PAK6: variants seen among roughly 807,000 people sequenced by gnomAD.
The protein encoded by PAK6 is p21 (RAC1) activated kinase 6.
PAK6 carries 33 observed loss-of-function variants against 60.8 expected under a neutral mutation model. The ratio of observed to expected loss-of-function variants is 0.54; its 90% CI spans 0.41 to 0.73. The LOEUF (loss-of-function observed/expected upper bound fraction) is 0.73. Among genes scored for constraint, PAK6 ranks in the 30% least tolerant of loss-of-function variants. The probability of loss-of-function intolerance (pLI) is 0.00; values close to 1 mark genes in which losing one functional copy is unlikely to be tolerated. For synonymous variants in PAK6, 404 were observed against 378.5 expected, an observed-to-expected ratio of 1.07 and a Z score of -0.78; for missense variants, 845 against 904.1, an observed-to-expected ratio of 0.93 and a Z score of 0.84.
At chr15:40,263,775 C>T (rs958575913) in intron 3 of PAK6, 6 of 392,404 alleles carry the variant, frequency 1.5e-5, no homozygotes, top group South Asian at 5.5e-5. Flanking sequence ...CCACCAGGCC[C>T]GGCTAATTTC....
intron 2 of PAK6, among the ~76,000 whole-genome samples, chr15:40,250,201 G>C (rs1286429010): frequency 3.3e-5 from 5 of 152,248 alleles, no homozygotes; most frequent in Non-Finnish European, 7.3e-5. Flanking sequence ...GAATAGAGAA[G>C]GGGGAGAGTC....
intron 2 of PAK6, chr15:40,252,405 C>T: frequency 7.4e-7 from 1 of 1,346,368 alleles, no homozygotes; most frequent in Non-Finnish European, 9.8e-7. Context: ...GGAACTGGGG[C>T]CAAGCAGGTG....
At chr15:40,243,674 A>G (rs565900086) in intron 2 of PAK6, among the ~76,000 whole-genome samples, 2 of 152,364 alleles carry the variant, frequency 1.3e-5, no homozygotes, top group East Asian at 3.9e-4. Flanking sequence ...AGCTCTCAGA[A>G]TGCCCAGGAA....
chr15:40,273,911 T>G (rs1257705073), intron 9 of PAK6: 2 of 668,356 alleles, frequency 3.0e-6, no homozygotes, highest in Non-Finnish European at 5.1e-6. Context: ...TGGCCGGGCC[T>G]CCTATGTATG....
exon 6 of PAK6, chr15:40,272,625 C>T (rs952911548): frequency 1.9e-6 from 3 of 1,610,914 alleles, no homozygotes; most frequent in East Asian, 2.2e-5. Context: ...CCACCGGCAT[C>T]GTCTGCTTGG....
chr15:40,269,107 C>T (rs1180828957), intron 5 of PAK6, among the ~76,000 whole-genome samples: 10 of 152,236 alleles, frequency 6.6e-5, no homozygotes, highest in Admixed American at 6.5e-4. Flanking sequence ...CAACCTCCAC[C>T]TCCTGGGTTC....
rs2039389310 is a variant in PAK6 at position 40,274,291 on chromosome 15, A to G, written c.1878+15A>G. ...ACTCTCACAAGGTCAGTTGGCACAC[A>G]AGGGTGCGACCTCGCAGACCCCATT... On this transcript the variant is annotated intron_variant, in intron 10 of 10. Transcript: ENST00000560346. 2 of 1,588,650 alleles carry G rather than the reference A, an allele frequency of 1.3e-6. No homozygotes were observed. Among genetic ancestry groups the G allele is most frequent in the South Asian group, 1.1e-5 (1 of 87,184 alleles).
At chr15:40,265,119 T>G in intron 4 of PAK6, 130 bp downstream of exon 4, 2 of 836,598 alleles carry the variant, frequency 2.4e-6, no homozygotes, top group Non-Finnish European at 3.7e-6. Context: ...CTGTTTTAAC[T>G]CCCTGCCTGT....
chr15:40,241,197 G>A (rs1239131311), intron 2 of PAK6, among the ~76,000 whole-genome samples: 2 of 152,238 alleles, frequency 1.3e-5, no homozygotes, highest in Non-Finnish European at 1.5e-5. Flanking sequence ...GCTGCAGGGT[G>A]GATGACCTGG....
At chr15:40,248,483 A>C (rs2038559904) in intron 2 of PAK6, among the ~76,000 whole-genome samples, 1 of 151,604 alleles carries the variant, frequency 6.6e-6, no homozygotes, top group South Asian at 2.1e-4. Flanking sequence ...ACGTGCCCCC[A>C]CCTCCCCGGC....
In PAK6 at chr15:40,252,301, G is replaced by A. The variant is rs1053373850; in HGVS notation, c.-117-877G>A. 5 of 1,232,432 alleles carry A rather than the reference G, an allele frequency of 4.1e-6. No individual in the cohort carries two copies. In the African/African-American group the frequency reaches 6.3e-5, roughly 15 times the overall value. The allele number at this position is 1,232,432 out of a possible 1,614,324, so 76.3% of individuals were successfully genotyped here. A position where few individuals can be genotyped will look rare whatever the true frequency, so the allele number is the denominator to read the frequency against. On this transcript the variant is annotated intron_variant, in intron 2 of 10. Coordinates refer to ENST00000560346, the Ensembl canonical transcript of PAK6. ...AGCCGGCGCTCAGCTGATTCTCCAG[G>A]TCGGGTCTCCGCGAGGCGGCCACTG...
In PAK6 at chr15:40,264,323, C is replaced by A. The variant is rs1369137066; in HGVS notation, c.-5-458C>A. 2.9e-5 allele frequency: 11 copies of A among 382,926 alleles called. No individual in the cohort carries two copies. The East Asian group carries it at 6.0e-4, about 21-fold the overall frequency. 23.7% of individuals were successfully genotyped at this position (382,926 alleles called of 1,614,324 possible). A position where few individuals can be genotyped will look rare whatever the true frequency, so the allele number is the denominator to read the frequency against. ...GTTACGTTCCTAAATGATATTGAGT[C>A]AAATTTTCCTTTTCTTGCACTCTCC... On this transcript the variant is annotated intron_variant, in intron 3 of 10. Transcript: ENST00000560346.
intron 5 of PAK6, among the ~76,000 whole-genome samples, chr15:40,267,592 G>A (rs2039180847): frequency 6.6e-6 from 1 of 152,220 alleles, no homozygotes; most frequent in South Asian, 2.1e-4. Context: ...CCGGGAGGCA[G>A]AGCTTGCCGT....
intron 2 of PAK6, among the ~76,000 whole-genome samples, chr15:40,248,732 C>G (rs919145427): frequency 6.8e-6 from 1 of 147,994 alleles, no homozygotes; most frequent in South Asian, 2.1e-4. Flanking sequence ...TCCTCCTACC[C>G]GCACCCCAGC....
chr15:40,248,632 C>G (rs780860084), intron 2 of PAK6, among the ~76,000 whole-genome samples: 35 of 152,242 alleles, frequency 2.3e-4, no homozygotes, highest in Non-Finnish European at 4.1e-4. Flanking sequence ...AACTCAGTGA[C>G]AGAGTGGGGG....
chr15:40,254,996 G>A (rs34855281), intron 3 of PAK6, among the ~76,000 whole-genome samples: 16,833 of 152,230 alleles, frequency 0.11, 1,007 homozygotes, highest in Non-Finnish European at 0.14. Flanking sequence ...AGTTGTGAGT[G>A]TTAAGGAGGT....
chr15:40,252,471 GC>G, intron 2 of PAK6: 1 of 1,362,412 alleles, frequency 7.3e-7, no homozygotes. Context: ...CCTGGCCAAG[GC>G]CCCAGCGACA....
At chr15:40,266,703 CTGTTG>C (rs749474486) in intron 5 of PAK6, 8 of 509,392 alleles carry the variant, frequency 1.6e-5, no homozygotes, top group Non-Finnish European at 2.4e-5. Context: ...TTCTCTGTGG[CTGTTG>C]TGTTGTTTCC....
At chr15:40,242,447 CT>C (rs2038381375) in intron 2 of PAK6, among the ~76,000 whole-genome samples, 1 of 152,208 alleles carries the variant, frequency 6.6e-6, no homozygotes, top group African/African-American at 2.4e-5. Flanking sequence ...GAAGCAGTGC[CT>C]GAGACCTGAG....
Sources: gnomAD v4.1 joint callset for allele counts (sites outside exome capture counted in the v4.1 genomes callset) on GRCh38, gnomAD v4.1.1 for gene constraint, MANE v1.5 for transcripts, NCBI Gene and HGNC (gene_info 2026-07-23, HGNC 2026-07-21) for gene names.